MAPK9: variants seen among roughly 807,000 people sequenced by gnomAD.
The protein encoded by MAPK9 is Jun kinase.
Under a neutral mutation model 57.1 loss-of-function variants are expected in MAPK9, and 30 were observed. That is an observed-to-expected ratio of 0.53 (90% confidence interval 0.39 to 0.71). The LOEUF (loss-of-function observed/expected upper bound fraction) is 0.71, where lower values mean the gene tolerates loss of function less well. Ranked by LOEUF, MAPK9 falls within the 30% of genes least tolerant of loss-of-function variation. The pLI, the probability that MAPK9 is intolerant of heterozygous loss-of-function variation, is 0.00. For synonymous variants in MAPK9, 155 were observed against 177.0 expected (o/e 0.88, Z 0.99); for missense variants, 362 against 521.0 (o/e 0.69, Z 2.97).
chr5:180,239,637 A>G (rs942404035), intron 10 of MAPK9, among the ~76,000 whole-genome samples: 3 of 152,250 alleles, frequency 2.0e-5, no homozygotes, highest in African/African-American at 7.2e-5. Context: ...AATCAATATA[A>G]GTATGATACA....
chr5:180,247,188 A>G lies in MAPK9; in HGVS notation c.688+251T>C. 1.9e-6 allele frequency: 1 copy of G among 519,036 alleles called. No homozygotes were observed. Among genetic ancestry groups the G allele is most frequent in the Non-Finnish European group, 3.4e-6 (1 of 295,934 alleles). The allele number at this position is 519,036 out of a possible 1,614,324, so 32.2% of individuals were successfully genotyped here. On this transcript the variant is annotated intron_variant, in intron 7 of 11. Coordinates refer to ENST00000452135, the MANE Select transcript of MAPK9 (RefSeq NM_002752.5). This position sits in a 1 kb window ranked among gnomAD's most constrained non-coding sequence, Gnocchi z 4.5. ...TGTCCAGCTATTTTTGGCAAAATTA[A>G]GAGCTAATATAATCGGTTTAACTGA...
rs1761785493 is a variant in MAPK9, at chr5:180,276,054, G to C, written c.122+4386C>G. ...GCCCATAAAGAAACTGATTTGCCCTGCTCACAAAGAACTCTTCGCTGAGGA... is the reference window on the plus strand; with the variant it reads ...GCCCATAAAGAAACTGATTTGCCCTCCTCACAAAGAACTCTTCGCTGAGGA... On this transcript the variant is annotated intron_variant, in intron 2 of 11. Coordinates refer to ENST00000452135, the MANE Select transcript of MAPK9 (RefSeq NM_002752.5). 5.3e-5 allele frequency among the ~76,000 whole-genome samples: 8 copies of C among 152,306 alleles called. No individual in the cohort carries two copies. The South Asian group carries it at 1.7e-3, about 32-fold the overall frequency.
chr5:180,239,321 C>T (rs1018973899), intron 10 of MAPK9, among the ~76,000 whole-genome samples: 4 of 152,352 alleles, frequency 2.6e-5, no homozygotes, highest in African/African-American at 4.8e-5. Flanking sequence ...CCAGTGAGCA[C>T]GCTGTGTGCA....
rs1756986095 is a variant in MAPK9, at chr5:180,233,648, A to G, written c.*2736T>C. 1 of 152,222 alleles carries G rather than the reference A, an allele frequency of 6.6e-6. No homozygotes were observed. The highest frequency in any genetic ancestry group is 2.1e-4 in the South Asian group (1 of 4,832). 9.4% of individuals were successfully genotyped at this position (152,222 alleles called of 1,614,324 possible). A position where few individuals can be genotyped will look rare whatever the true frequency, so the allele number is the denominator to read the frequency against. ...TTTCACCAACCAAAACACACATAATATATTTTATTATAAAACATTAGCAAT... is the reference window on the plus strand; with the variant it reads ...TTTCACCAACCAAAACACACATAATGTATTTTATTATAAAACATTAGCAAT... On this transcript the variant is annotated 3_prime_UTR_variant, in exon 12 of 12. Coordinates refer to ENST00000452135, the MANE Select transcript of MAPK9 (RefSeq NM_002752.5).
intron 7 of MAPK9, among the ~76,000 whole-genome samples, chr5:180,244,667 G>A (rs565499806): frequency 2.6e-5 from 4 of 151,800 alleles, no homozygotes; most frequent in East Asian, 3.9e-4. Flanking sequence ...CCAGCTACTC[G>A]GGAGGCTGAG....
chr5:180,261,567 C>G, intron 5 of MAPK9, 117 bp downstream of exon 5: 1 of 997,738 alleles, frequency 1.0e-6, no homozygotes, highest in East Asian at 2.7e-5. Flanking sequence ...CATATGATTC[C>G]ATCATCTATT....
intron 7 of MAPK9, among the ~76,000 whole-genome samples, chr5:180,244,174 T>G (rs1757885467): frequency 6.6e-6 from 1 of 152,020 alleles, no homozygotes; most frequent in Non-Finnish European, 1.5e-5. Flanking sequence ...ATACCTCTTC[T>G]GCCTGCTCAC....
intron 2 of MAPK9, among the ~76,000 whole-genome samples, chr5:180,277,326 G>C (rs745594786): frequency 6.6e-5 from 10 of 152,114 alleles, no homozygotes; most frequent in South Asian, 2.1e-4. Context: ...GCAGGCTCTG[G>C]GGGGAGTCTG....
At chr5:180,256,917 T>C (rs1759350801) in intron 5 of MAPK9, among the ~76,000 whole-genome samples, 1 of 152,094 alleles carries the variant, frequency 6.6e-6, no homozygotes, top group South Asian at 2.1e-4. Context: ...AAAGCATAAA[T>C]AAAATGTATT....
intron 2 of MAPK9, among the ~76,000 whole-genome samples, chr5:180,278,691 CTG>C (rs1291632161): frequency 6.6e-6 from 1 of 152,030 alleles, no homozygotes; most frequent in African/African-American, 2.4e-5. Context: ...AAGTGAGACT[CTG>C]TCTCAAAAAA....
chr5:180,265,085 C>A (rs903290413), intron 3 of MAPK9, among the ~76,000 whole-genome samples: 1 of 152,134 alleles, frequency 6.6e-6, no homozygotes, highest in Admixed American at 6.5e-5. Context: ...AATTTAAACA[C>A]ATAATGTCTT....
intron 1 of MAPK9, among the ~76,000 whole-genome samples, chr5:180,288,951 T>C (rs1387049402): frequency 1.3e-5 from 2 of 152,256 alleles, no homozygotes; most frequent in East Asian, 1.9e-4. Flanking sequence ...ATAAAAAGAA[T>C]GATGTTGAAA....
At chr5:180,243,447 C>CCAGCTTTGCCTATTCCA (rs1757814440) in intron 7 of MAPK9, among the ~76,000 whole-genome samples, 1 of 152,196 alleles carries the variant, frequency 6.6e-6, no homozygotes, top group Admixed American at 6.5e-5. Context: ...GCAGACATTA[C>CCAGCTTTGCCTATTCCA]CAGCTTTGCC....
rs916468282 is a variant in MAPK9, at chr5:180,259,020, C to G, written c.450+2664G>C. 7.0e-5 allele frequency among the ~76,000 whole-genome samples: 10 copies of G among 143,684 alleles called. No individual in the cohort carries two copies. In the East Asian group the frequency reaches 2.0e-3, roughly 29 times the overall value. 94.3% of individuals were successfully genotyped at this position (143,684 alleles called of 152,430 possible). On this transcript the variant is annotated intron_variant, in intron 5 of 11. Transcript: ENST00000452135. ...CTGCACTCCAGCCTGGGCAACAGAG[C>G]AAGACTCTGTTTCAAAAAAAAAAAA...
intron 6 of MAPK9, chr5:180,248,025 G>A (rs531845973): frequency 4.9e-5 from 55 of 1,122,594 alleles, no homozygotes; most frequent in African/African-American, 1.2e-4. Context: ...CTAGCTTGCC[G>A]GCGGGAGCCT....
chr5:180,263,971 C>T (rs922046942), intron 4 of MAPK9, among the ~76,000 whole-genome samples: 1 of 152,208 alleles, frequency 6.6e-6, no homozygotes, highest in Admixed American at 6.5e-5. Context: ...TCCCAAAGTG[C>T]TGGGATTATA....
intron 2 of MAPK9, among the ~76,000 whole-genome samples, chr5:180,278,648 G>C (rs1168047697): frequency 6.6e-6 from 1 of 152,110 alleles, no homozygotes; most frequent in Non-Finnish European, 1.5e-5. Flanking sequence ...ACAGTGAGCT[G>C]AGATCGCGCC....
chr5:180,274,586 T>C (rs1400387778), intron 2 of MAPK9, among the ~76,000 whole-genome samples: 1 of 152,178 alleles, frequency 6.6e-6, no homozygotes, highest in Non-Finnish European at 1.5e-5. Flanking sequence ...TGTAAGGAAC[T>C]AGACTCTGCC....
chr5:180,240,119 TA>T, intron 9 of MAPK9, 132 bp from the exon 10 acceptor site: 1 of 657,130 alleles, frequency 1.5e-6, no homozygotes, highest in East Asian at 2.6e-5. Flanking sequence ...ACACGTGGTT[TA>T]ATAAAGATTT....
Sources: gnomAD v4.1 joint callset for allele counts (sites outside exome capture counted in the v4.1 genomes callset) on GRCh38, gnomAD v4.1.1 for gene constraint, Gnocchi (gnomAD v3.1) non-coding constraint, MANE v1.5 for transcripts, NCBI Gene and HGNC (gene_info 2026-07-23, HGNC 2026-07-21) for gene names.